The following CEP63 variants were observed in gnomAD, a reference collection of about 807,000 sequenced individuals.
CEP63 encodes the protein centrosomal protein of 63 kDa.
Under a neutral mutation model 89.1 loss-of-function variants are expected in CEP63, and 84 were observed. The ratio of observed to expected loss-of-function variants is 0.94; its 90% CI spans 0.79 to 1.13. The LOEUF (loss-of-function observed/expected upper bound fraction) is 1.13. Among genes scored for constraint, CEP63 ranks in the 50% most tolerant of loss-of-function variants. The pLI, the probability that CEP63 is intolerant of heterozygous loss-of-function variation, is 0.00. For missense variants in CEP63, 838 were observed against 813.3 expected, an observed-to-expected ratio of 1.03 and a Z score of -0.37; for synonymous variants, 267 against 272.5, an observed-to-expected ratio of 0.98 and a Z score of 0.20.
the CEP63 span, among the ~76,000 whole-genome samples, chr3:134,671,845 G>GACAT: frequency 6.6e-6 from 1 of 152,106 alleles, no homozygotes; most frequent in East Asian, 1.9e-4. Flanking sequence ...TTAGTTGGTG[G>GACAT]CGATGTCCAC....
At position 134,537,221 on chromosome 3, in the gene CEP63, C is replaced by T. The variant is rs781656910; in HGVS notation, c.508C>T (p.Leu170=). The T allele has an allele frequency of 9.9e-6, 16 of 1,613,898 alleles. No homozygotes were observed. The highest frequency in any genetic ancestry group is 1.4e-5 in the Non-Finnish European group (16 of 1,179,784). The part of the protein sequence containing the change: ...RLIYQQQVSS[L]EAQRKALAEQ... ...GATTTATCAGCAACAGGTATCTTCA[C>T]TGGAGGCACAAAGGAAGGCTCTGGC... is the stretch of plus-strand genomic sequence containing the variant. Residue 170 remains leucine (L), a synonymous_variant, in exon 6 of 15, where the codon CTG becomes TTG. Transcript: ENST00000675561.
intron 2 of CEP63, among the ~76,000 whole-genome samples, chr3:134,497,149 T>C (rs1330764005): frequency 6.6e-6 from 1 of 152,234 alleles, no homozygotes; most frequent in Non-Finnish European, 1.5e-5. Flanking sequence ...GTTGTTTTTC[T>C]TGTATATTCT....
At chr3:134,520,616 C>CT (rs1375385137) in intron 3 of CEP63, among the ~76,000 whole-genome samples, 2 of 152,230 alleles carry the variant, frequency 1.3e-5, no homozygotes, top group South Asian at 2.1e-4. Flanking sequence ...AGGTGGAGCA[C>CT]TTAGGGTACT....
At chr3:134,719,135 A>C in the CEP63 span, among the ~76,000 whole-genome samples, 2 of 151,956 alleles carry the variant, frequency 1.3e-5, no homozygotes, top group African/African-American at 4.8e-5. Context: ...ACTTGTTTTC[A>C]TCAAGCAGCT....
intron 6 of CEP63, among the ~76,000 whole-genome samples, chr3:134,541,444 AT>A (rs1458858674): frequency 6.6e-6 from 1 of 150,704 alleles, no homozygotes; most frequent in African/African-American, 2.4e-5. Context: ...TGACTATTAC[AT>A]TTTCAGGATT....
chr3:134,701,388 ATATG>A, the CEP63 span, among the ~76,000 whole-genome samples: 3 of 6,458 alleles, frequency 4.6e-4, no homozygotes, highest in Non-Finnish European at 1.0e-3. Context: ...ATATACGTAT[ATATG>A]TGTATATATA....
the CEP63 span, among the ~76,000 whole-genome samples, chr3:134,686,410 G>T: frequency 6.6e-6 from 1 of 152,218 alleles, no homozygotes; most frequent in African/African-American, 2.4e-5. Context: ...GAGAGCTCAG[G>T]TGACCAAGCA....
the CEP63 span, chr3:134,643,488 C>T: frequency 1.3e-6 from 1 of 797,828 alleles, no homozygotes; most frequent in South Asian, 1.6e-5. Context: ...GGGCCAAGCA[C>T]ATCCCCAGGC....
chr3:134,647,816 T>C, the CEP63 span, among the ~76,000 whole-genome samples: 4 of 152,180 alleles, frequency 2.6e-5, no homozygotes, highest in East Asian at 5.8e-4. Context: ...ATTTTAGAAG[T>C]CATTTGCTAT....
chr3:134,579,080 A>G (rs1958286295), downstream of CEP63, among the ~76,000 whole-genome samples: 1 of 152,236 alleles, frequency 6.6e-6, no homozygotes, highest in African/African-American at 2.4e-5. Flanking sequence ...TTTAGCAGAA[A>G]CAACTGCTAT....
rs1559837072 is a variant in CEP63 at position 134,486,211 on chromosome 3, G to A, written c.-26+9G>A. On this transcript the variant is annotated intron_variant, in intron 1 of 14. Transcript: ENST00000675561. ...CGCAGCGCCGGCCCGAGGTAACGGC[G>A]GGAAGGCTCAGGGGCGTGCTTGCGG... 1 of 985,522 alleles carries A rather than the reference G, an allele frequency of 1.0e-6. No individual in the cohort carries two copies. The highest frequency in any genetic ancestry group is 4.7e-5 in the South Asian group (1 of 21,302). 61.0% of individuals were successfully genotyped at this position (985,522 alleles called of 1,614,324 possible).
the CEP63 span, among the ~76,000 whole-genome samples, chr3:134,776,842 T>C: frequency 9.6e-3 from 1,455 of 152,220 alleles, 27 homozygotes; most frequent in African/African-American, 0.032. Flanking sequence ...TAGAGGAACT[T>C]TCAGACCAGT....
the CEP63 span, among the ~76,000 whole-genome samples, chr3:134,681,322 A>G: frequency 6.6e-6 from 1 of 152,214 alleles, no homozygotes; most frequent in Admixed American, 6.5e-5. Flanking sequence ...CGTGGCCCAC[A>G]GGAGCCTGGC....
At chr3:134,493,961 C>G (rs1313153762) in intron 1 of CEP63, among the ~76,000 whole-genome samples, 6 of 152,050 alleles carry the variant, frequency 3.9e-5, no homozygotes, top group African/African-American at 1.2e-4. Flanking sequence ...AGTGGTTTGA[C>G]ATTGAACATT....
intron 12 of CEP63, among the ~76,000 whole-genome samples, chr3:134,553,753 A>T (rs1249723003): frequency 6.6e-6 from 1 of 152,192 alleles, no homozygotes; most frequent in East Asian, 1.9e-4. Context: ...ATGCGTAAAT[A>T]CGTATAGCCT....
chr3:134,723,245 A>C, the CEP63 span, among the ~76,000 whole-genome samples: 1 of 152,284 alleles, frequency 6.6e-6, no homozygotes, highest in Non-Finnish European at 1.5e-5. Flanking sequence ...TGACTTTGAA[A>C]TTGGCCATAT....
At chr3:134,573,087 G>A (rs1429218696) in intron 11 of CEP63, among the ~76,000 whole-genome samples, 1 of 152,076 alleles carries the variant, frequency 6.6e-6, no homozygotes, top group African/African-American at 2.4e-5. Context: ...CATCTCTTTT[G>A]CTCACTGTTT....
chr3:134,697,188 G>C, the CEP63 span, among the ~76,000 whole-genome samples: 1 of 152,220 alleles, frequency 6.6e-6, no homozygotes, highest in East Asian at 1.9e-4. Flanking sequence ...GTGAGACAGG[G>C]AATGGATTTC....
the CEP63 span, among the ~76,000 whole-genome samples, chr3:134,623,508 C>T: frequency 6.6e-6 from 1 of 151,958 alleles, no homozygotes; most frequent in African/African-American, 2.4e-5. Flanking sequence ...CGTATGTCCT[C>T]ACCTCCTCCC....
Sources: gnomAD v4.1 joint callset for allele counts (sites outside exome capture counted in the v4.1 genomes callset) on GRCh38, gnomAD v4.1.1 for gene constraint, MANE v1.5 for transcripts, NCBI Gene and HGNC (gene_info 2026-07-23, HGNC 2026-07-21) for gene names.